The following DENND2B variants were observed in gnomAD, a reference collection of about 807,000 sequenced individuals.
The protein encoded by DENND2B is DENN domain containing 2B, also known as DENN domain-containing protein 2B.
A neutral mutation model predicts 116.0 loss-of-function variants in DENND2B; 32 were observed. That is an observed-to-expected ratio of 0.28 (90% confidence interval 0.21 to 0.37). The LOEUF (loss-of-function observed/expected upper bound fraction) is 0.37. Among genes scored for constraint, DENND2B ranks in the 10% least tolerant of loss-of-function variants. The probability of loss-of-function intolerance (pLI) is 1.00; values close to 1 mark genes in which losing one functional copy is unlikely to be tolerated. For synonymous variants in DENND2B, 588 were observed against 583.9 expected, an observed-to-expected ratio of 1.01 and a Z score of -0.10; for missense variants, 1,276 against 1,477.7, an observed-to-expected ratio of 0.86 and a Z score of 2.24.
intron 1 of DENND2B, among the ~76,000 whole-genome samples, chr11:8,790,949 T>G (rs2059327840): frequency 6.6e-6 from 1 of 152,194 alleles, no homozygotes; most frequent in African/African-American, 2.4e-5. Context: ...TAAAATACAG[T>G]TAGGTGGGAC....
intron 4 of DENND2B, among the ~76,000 whole-genome samples, chr11:8,720,606 C>T (rs753104620): frequency 6.6e-6 from 1 of 152,250 alleles, no homozygotes; most frequent in Non-Finnish European, 1.5e-5. Flanking sequence ...GCAGCCCACA[C>T]GCTGCCTCCC....
upstream of DENND2B, among the ~76,000 whole-genome samples, chr11:8,811,812 C>T (rs10743091): frequency 0.3 from 45,267 of 152,118 alleles, 7,027 homozygotes; most frequent in East Asian, 0.52. Context: ...TAGCTCACTA[C>T]ATCATCAAAC....
chr11:8,708,398 A>C (rs779794807), intron 11 of DENND2B: 8 of 926,628 alleles, frequency 8.6e-6, no homozygotes, highest in Non-Finnish European at 1.0e-5. Context: ...GCTATACCTG[A>C]CTCCTGGGCT....
At chr11:8,874,782 A>C (rs1594326867), upstream of DENND2B, among the ~76,000 whole-genome samples, 1 of 151,984 alleles carries the variant, frequency 6.6e-6, no homozygotes, top group Non-Finnish European at 1.5e-5. Context: ...TTAGCTGAGC[A>C]TGGTGGTTTA....
chr11:8,787,732 T>G (rs1228102349), intron 1 of DENND2B, among the ~76,000 whole-genome samples: 3 of 152,364 alleles, frequency 2.0e-5, no homozygotes, highest in Middle Eastern at 3.4e-3. Context: ...GTAGGCCTTC[T>G]TTTCTCTCAA....
intron 1 of DENND2B, among the ~76,000 whole-genome samples, chr11:8,769,941 GGT>G (rs1429988965): frequency 1.3e-5 from 2 of 152,180 alleles, no homozygotes; most frequent in African/African-American, 4.8e-5. Context: ...GACCAGCCTG[GGT>G]AACATAGTGA....
At chr11:8,880,345 C>CTGTGTGTG (rs56051922) in intron 2 of DENND2B, among the ~76,000 whole-genome samples, 12,163 of 120,088 alleles carry the variant, frequency 0.1, 616 homozygotes, top group Non-Finnish European at 0.12. Context: ...TCACTTTGAA[C>CTGTGTGTG]TGTGTGTGTG....
chr11:8,698,801 A>C (rs1480618083), intron 16 of DENND2B, 132 bp downstream of exon 16: 1 of 1,090,342 alleles, frequency 9.2e-7, no homozygotes, highest in Non-Finnish European at 1.4e-6. Flanking sequence ...GCTTCTCCCC[A>C]CCCTTGACTA....
At chr11:8,829,188 G>T (rs956036256) in intron 4 of DENND2B, among the ~76,000 whole-genome samples, 1 of 151,514 alleles carries the variant, frequency 6.6e-6, no homozygotes, top group Non-Finnish European at 1.5e-5. Context: ...TGTGGTGTTT[G>T]TGTGTGTGGT....
chr11:8,858,317 T>C (rs2063267699), intron 2 of DENND2B, among the ~76,000 whole-genome samples: 1 of 152,130 alleles, frequency 6.6e-6, no homozygotes, highest in African/African-American at 2.4e-5. Flanking sequence ...GTTTATTTAT[T>C]TGGGAAAGCA....
intron 1 of DENND2B, among the ~76,000 whole-genome samples, chr11:8,883,509 T>G (rs987460479): frequency 1.3e-5 from 2 of 152,240 alleles, no homozygotes; most frequent in Non-Finnish European, 2.9e-5. Flanking sequence ...ATCTTACATT[T>G]TCTTTTTCTT....
chr11:8,757,898 T>G (rs2053893538), intron 1 of DENND2B, among the ~76,000 whole-genome samples: 1 of 152,166 alleles, frequency 6.6e-6, no homozygotes, highest in African/African-American at 2.4e-5. Flanking sequence ...TAATACAGTC[T>G]CCTTTTTTCT....
At chr11:8,843,871 C>T (rs530104902) in intron 3 of DENND2B, among the ~76,000 whole-genome samples, 15 of 152,294 alleles carry the variant, frequency 9.8e-5, no homozygotes, top group African/African-American at 3.4e-4. Context: ...GCCGCTCCCA[C>T]GGCACCTCCT....
rs2134355653 is a variant in DENND2B at position 8,794,393 on chromosome 11, T to C, written c.-26+16124A>G. ...CGACAGCTGTGTGGACCCACCCACG[T>C]GGTCCTTCCACCCCGGGGACAGCAC... On this transcript the variant is annotated intron_variant, in intron 1 of 19. Coordinates refer to ENST00000313726, the MANE Select transcript of DENND2B (RefSeq NM_213618.2). 2.0e-5 allele frequency among the ~76,000 whole-genome samples: 3 copies of C among 152,314 alleles called. No individual in the cohort carries two copies. In the Middle Eastern group the frequency reaches 0.01, roughly 518 times the overall value.
intron 1 of DENND2B, among the ~76,000 whole-genome samples, chr11:8,894,626 C>T (rs1435201961): frequency 1.3e-5 from 2 of 152,176 alleles, no homozygotes; most frequent in African/African-American, 4.8e-5. Context: ...GACATTTATG[C>T]AGCCAACAGA....
At chr11:8,714,178 C>T (rs2044296963) in intron 7 of DENND2B, 136 bp from the exon 8 acceptor site, 1 of 887,292 alleles carries the variant, frequency 1.1e-6, no homozygotes, top group African/African-American at 1.6e-5. Context: ...GGTCAGGCAT[C>T]TGCAGGCAGG....
At chr11:8,759,728 C>T (rs1383121869) in intron 1 of DENND2B, among the ~76,000 whole-genome samples, 1 of 152,210 alleles carries the variant, frequency 6.6e-6, no homozygotes, top group Non-Finnish European at 1.5e-5. Flanking sequence ...AACCTGCCTA[C>T]TCATCCTGCC....
chr11:8,693,701 T>G lies in DENND2B; in HGVS notation c.*395A>C, dbSNP rs2039809444. The G allele has an allele frequency of 5.2e-6, 1 of 192,934 alleles. No individual in the cohort carries two copies. Among genetic ancestry groups the G allele is most frequent in the South Asian group, 1.2e-4 (1 of 8,484 alleles). 12.0% of individuals were successfully genotyped at this position (192,934 alleles called of 1,614,324 possible). Reference sequence around the variant, plus strand: ...GCATCTGCTCTCCAGGGCCCGGGACTGGCAGCGGGGACCTCAGGCAGGCAG... The same window carrying G: ...GCATCTGCTCTCCAGGGCCCGGGACGGGCAGCGGGGACCTCAGGCAGGCAG... On this transcript the variant is annotated 3_prime_UTR_variant, in exon 20 of 20. Transcript: ENST00000313726.
intron 1 of DENND2B, among the ~76,000 whole-genome samples, chr11:8,760,133 G>A (rs1383251656): frequency 2.0e-5 from 3 of 152,136 alleles, no homozygotes; most frequent in East Asian, 1.9e-4. Flanking sequence ...CCGACAGATC[G>A]ACGACTTGCC....
Sources: gnomAD v4.1 joint callset for allele counts (sites outside exome capture counted in the v4.1 genomes callset) on GRCh38, gnomAD v4.1.1 for gene constraint, MANE v1.5 for transcripts, NCBI Gene and HGNC (gene_info 2026-07-23, HGNC 2026-07-21) for gene names.